Variants in RFX7 observed in about 807,000 individuals in gnomAD.
The protein encoded by RFX7 is regulatory factor X7, also known as DNA-binding protein RFX7.
In RFX7, 26 loss-of-function variants were observed where a neutral mutation model predicts 111.8. The observed-to-expected ratio is 0.23, with a 90% CI of 0.17 to 0.32. The LOEUF (loss-of-function observed/expected upper bound fraction) is 0.32, where lower values mean the gene tolerates loss of function less well. RFX7 is among the 10% of genes least tolerant of loss of function. The probability of loss-of-function intolerance (pLI) is 1.00; values close to 1 mark genes in which losing one functional copy is unlikely to be tolerated. For synonymous variants in RFX7, 624 were observed against 624.4 expected (o/e 1.00, Z 0.01); for missense variants, 1,573 against 1,772.9 (o/e 0.89, Z 2.02).
At chr15:56,183,165 G>A (rs1488602779) in intron 2 of RFX7, among the ~76,000 whole-genome samples, 1 of 151,894 alleles carries the variant, frequency 6.6e-6, no homozygotes, top group East Asian at 1.9e-4. Flanking sequence ...TGAATTGTTT[G>A]TTCCTATCCT....
chr15:56,153,411 C>G (rs1167866110), intron 3 of RFX7, among the ~76,000 whole-genome samples: 2 of 152,202 alleles, frequency 1.3e-5, no homozygotes, highest in Non-Finnish European at 2.9e-5. Flanking sequence ...TCACCATACA[C>G]AAATCAATAT....
chr15:56,131,336 T>TGGTGCGATCAC (rs71754445), intron 5 of RFX7, among the ~76,000 whole-genome samples: 13 of 450 alleles, frequency 0.029, no homozygotes, highest in African/African-American at 0.029. Flanking sequence ...TGGAGTGCAT[T>TGGTGCGATCAC]GGCTTACTGC....
chr15:56,210,243 G>T (rs1369778879), intron 2 of RFX7, among the ~76,000 whole-genome samples: 2 of 152,044 alleles, frequency 1.3e-5, no homozygotes, highest in Non-Finnish European at 2.9e-5. Context: ...TGATAAATAG[G>T]TGAATGCTTC....
chr15:56,137,230 G>T (rs1299688543), intron 5 of RFX7, among the ~76,000 whole-genome samples: 1 of 152,126 alleles, frequency 6.6e-6, no homozygotes, highest in Non-Finnish European at 1.5e-5. Flanking sequence ...ATTCGGCTGT[G>T]CATCCATCTG....
chr15:56,117,495 T>C (rs2140957119), intron 5 of RFX7, among the ~76,000 whole-genome samples: 1 of 152,298 alleles, frequency 6.6e-6, no homozygotes, highest in Non-Finnish European at 1.5e-5. Flanking sequence ...TTATTTGTGT[T>C]GGGAACATTC....
At chr15:56,210,245 G>A (rs1029184095) in intron 2 of RFX7, among the ~76,000 whole-genome samples, 7 of 152,050 alleles carry the variant, frequency 4.6e-5, no homozygotes, top group African/African-American at 7.2e-5. Flanking sequence ...ATAAATAGGT[G>A]AATGCTTCAA....
At chr15:56,163,888 A>AT (rs140494088) in intron 3 of RFX7, among the ~76,000 whole-genome samples, 16 of 152,304 alleles carry the variant, frequency 1.1e-4, no homozygotes, top group Non-Finnish European at 2.1e-4. Context: ...ATGGGTCCCC[A>AT]ACCCTGTAAA....
chr15:56,099,645 T>G (rs972616363), intron 8 of RFX7, among the ~76,000 whole-genome samples: 9 of 152,060 alleles, frequency 5.9e-5, no homozygotes, highest in African/African-American at 1.9e-4. Flanking sequence ...AAAAAAAAAT[T>G]CACCTTCAAA....
intron 2 of RFX7, among the ~76,000 whole-genome samples, chr15:56,187,774 C>CGCA (rs1348350342): frequency 6.6e-6 from 1 of 152,098 alleles, no homozygotes; most frequent in African/African-American, 2.4e-5. Context: ...CTGCTGCTGC[C>CGCA]TGTCACAGAA....
At chr15:56,149,772 T>G (rs1231495406) in intron 3 of RFX7, among the ~76,000 whole-genome samples, 1 of 151,738 alleles carries the variant, frequency 6.6e-6, no homozygotes, top group Non-Finnish European at 1.5e-5. Context: ...GGCTGGCCAA[T>G]TGGGCAGACA....
chr15:56,209,626 T>C (rs1293448546), intron 2 of RFX7, among the ~76,000 whole-genome samples: 1 of 152,062 alleles, frequency 6.6e-6, no homozygotes, highest in African/African-American at 2.4e-5. Context: ...CAGACACATA[T>C]GCTTCTATAT....
chr15:56,185,570 A>G (rs1434329339), intron 2 of RFX7, among the ~76,000 whole-genome samples: 1 of 152,180 alleles, frequency 6.6e-6, no homozygotes, highest in Admixed American at 6.5e-5. Flanking sequence ...CTATACTGCT[A>G]AGACTACATT....
chr15:56,128,480 T>G (rs1456474913), intron 5 of RFX7, among the ~76,000 whole-genome samples: 1 of 152,146 alleles, frequency 6.6e-6, no homozygotes, highest in Non-Finnish European at 1.5e-5. Flanking sequence ...AAAAAACCTT[T>G]GATATAATCA....
At chr15:56,180,426 G>T (rs9920938) in intron 2 of RFX7, among the ~76,000 whole-genome samples, 3,812 of 152,182 alleles carry the variant, frequency 0.025, 131 homozygotes, top group African/African-American at 0.077. Flanking sequence ...TCCTACAAAA[G>T]ATTTTTAGGT....
At chr15:56,141,462 TAAA>T (rs2141021754) in intron 5 of RFX7, among the ~76,000 whole-genome samples, 1 of 151,934 alleles carries the variant, frequency 6.6e-6, no homozygotes. Context: ...AAAGACTGGT[TAAA>T]ATGCTTGCCT....
Position 56,095,619 on chromosome 15 carries a change from C to T in RFX7, c.2109G>A (p.Gly703=), listed in dbSNP as rs903253911. ...CACCTGCTGTTGAACCTTCTGTTTT[C>T]CCTGAATGTGGAACCTTTTGGTCCT... ...VKKDQKVPHS[G]KTEGSTAGAQ... The change falls in exon 10 of 10, where the codon GGG becomes GGA. Residue 703 remains glycine (G), a synonymous_variant. Coordinates refer to ENST00000559447, the MANE Select transcript of RFX7 (RefSeq NM_022841.7). 3.7e-6 allele frequency: 6 copies of T among 1,613,976 alleles called. No individual in the cohort carries two copies. The highest frequency in any genetic ancestry group is 3.3e-5 in the Admixed American group (2 of 60,016).
In RFX7 at chr15:56,090,892, T is replaced by G. The variant is rs931083617; in HGVS notation, c.*2453A>C. The G allele has an allele frequency of 6.6e-6, 1 of 152,588 alleles. No individual in the cohort carries two copies. Among genetic ancestry groups the G allele is most frequent in the Non-Finnish European group, 1.5e-5 (1 of 68,000 alleles). 9.5% of individuals were successfully genotyped at this position (152,588 alleles called of 1,614,324 possible). On this transcript the variant is annotated 3_prime_UTR_variant, in exon 10 of 10. Coordinates refer to ENST00000559447, the MANE Select transcript of RFX7 (RefSeq NM_022841.7). ...TCATGAAGTTTTATGATAAACAGTA[T>G]GCAAAATGTTTTAAACATCAAAACA... is the stretch of plus-strand genomic sequence containing the variant.
intron 2 of RFX7, among the ~76,000 whole-genome samples, chr15:56,217,415 C>T (rs1482188505): frequency 6.7e-6 from 1 of 149,406 alleles, no homozygotes; most frequent in Middle Eastern, 3.5e-3. Flanking sequence ...GGGGCTGTTA[C>T]AACTTTTTTT....
intron 2 of RFX7, among the ~76,000 whole-genome samples, chr15:56,201,709 A>G (rs1790507051): frequency 6.6e-6 from 1 of 152,194 alleles, no homozygotes; most frequent in South Asian, 2.1e-4. Flanking sequence ...TGTATGGATA[A>G]GAAATCATTT....
Sources: allele counts gnomAD v4.1 joint callset (sites outside exome capture counted in the v4.1 genomes callset), GRCh38; gene constraint gnomAD v4.1.1; transcripts MANE v1.5; gene names NCBI Gene and HGNC (gene_info 2026-07-23, HGNC 2026-07-21).